The following TTLL4 variants were observed in gnomAD, a reference collection of about 807,000 sequenced individuals.
TTLL4 encodes the protein tubulin tyrosine ligase like 4.
In TTLL4, 85 loss-of-function variants were observed where a neutral mutation model predicts 122.7. The ratio of observed to expected loss-of-function variants is 0.69; its 90% CI spans 0.58 to 0.83. TTLL4 has a LOEUF of 0.83. Ranked by LOEUF, TTLL4 falls within the 40% of genes least tolerant of loss-of-function variation. TTLL4 has a pLI of 0.00. For missense variants in TTLL4, 1,363 were observed against 1,488.6 expected, an observed-to-expected ratio of 0.92 and a Z score of 1.39; for synonymous variants, 553 against 563.0, an observed-to-expected ratio of 0.98 and a Z score of 0.25.
intron 2 of TTLL4, among the ~76,000 whole-genome samples, chr2:218,736,100 A>G (rs1172439233): frequency 6.7e-6 from 1 of 148,854 alleles, no homozygotes. Flanking sequence ...TCAGCTTCCC[A>G]GGTAGCTGGG....
rs373045413 is a variant in TTLL4 at position 218,729,054 on chromosome 2, T to G, written c.-99+1707T>G. 5.3e-5 allele frequency among the ~76,000 whole-genome samples: 8 copies of G among 149,738 alleles called. No individual in the cohort carries two copies. The East Asian group carries it at 6.1e-4, about 11-fold the overall frequency. The stretch of plus-strand genomic sequence containing the variant: ...TTCAAGAGATGCTCCTGCCTCAGCC[T>G]CCCAAGTAGCTGGGATTATGGATGC... On this transcript the variant is annotated intron_variant, in intron 2 of 19. Coordinates refer to ENST00000392102, the MANE Select transcript of TTLL4 (RefSeq NM_014640.5).
At chr2:218,726,711 C>A (rs996869446) in intron 1 of TTLL4, among the ~76,000 whole-genome samples, 5 of 152,224 alleles carry the variant, frequency 3.3e-5, no homozygotes, top group Non-Finnish European at 7.3e-5. Flanking sequence ...AAGTGATCCA[C>A]CTGCCTCAGC....
chr2:218,743,257 T>C (rs530596502), intron 5 of TTLL4, among the ~76,000 whole-genome samples: 2 of 152,350 alleles, frequency 1.3e-5, no homozygotes, highest in African/African-American at 4.8e-5. Flanking sequence ...TTCTCCTTTT[T>C]GTCATTTCAA....
intron 2 of TTLL4, among the ~76,000 whole-genome samples, chr2:218,729,761 A>C (rs202246831): frequency 2.8e-5 from 4 of 141,598 alleles, no homozygotes; most frequent in African/African-American, 8.5e-5. Flanking sequence ...AAAAAAAAAA[A>C]ACAAAAAAAA....
At position 218,747,271 on chromosome 2, in the gene TTLL4, A is replaced by G. The variant is rs762017811; in HGVS notation, c.2167-19A>G. On this transcript the variant is annotated intron_variant, in intron 9 of 19. Transcript: ENST00000392102. The surrounding 1 kb of genome is among the most constrained non-coding windows in gnomAD (Gnocchi z 4.7). ...GAGTATTGGACCTGGAGCAAATCTC[A>G]TCTCCTTTCTGCTCCTAGCCAGCAT... is the stretch of plus-strand genomic sequence containing the variant. The G allele has an allele frequency of 1.5e-5, 24 of 1,607,674 alleles. No homozygotes were observed. Among genetic ancestry groups the G allele is most frequent in the Non-Finnish European group, 1.8e-5 (21 of 1,174,478 alleles).
intron 1 of TTLL4, among the ~76,000 whole-genome samples, chr2:218,712,671 G>A (rs1472591929): frequency 1.3e-5 from 2 of 152,120 alleles, no homozygotes; most frequent in African/African-American, 4.8e-5. Context: ...ACAGGTGTGA[G>A]CCACCGCGCC....
intron 2 of TTLL4, among the ~76,000 whole-genome samples, chr2:218,731,384 G>C (rs6753308): frequency 0.53 from 80,600 of 151,112 alleles, 23,035 homozygotes; most frequent in African/African-American, 0.73. Flanking sequence ...ACACTCCAGC[G>C]TGGGCAACAG....
Position 218,720,359 on chromosome 2 carries a change from C to T in TTLL4, c.-177-6910C>T, listed in dbSNP as rs537289340. Among the ~76,000 whole-genome samples the T allele has an allele frequency of 1.2e-4, 18 of 152,152 alleles. No individual in the cohort carries two copies. In the South Asian group the frequency reaches 3.1e-3, roughly 26 times the overall value. Reference sequence around the variant, plus strand: ...TTGGGTACAGCTGTGGCAGAGTGCACGCACTGAGTAAAAAATAGCAACAAG... The same window carrying T: ...TTGGGTACAGCTGTGGCAGAGTGCATGCACTGAGTAAAAAATAGCAACAAG... On this transcript the variant is annotated intron_variant, in intron 1 of 19. Transcript: ENST00000392102.
intron 2 of TTLL4, among the ~76,000 whole-genome samples, chr2:218,733,354 C>T (rs1264032074): frequency 2.0e-5 from 3 of 151,978 alleles, no homozygotes; most frequent in South Asian, 4.1e-4. Context: ...TCAGTTGTGG[C>T]GGAAGGGGAA....
At position 218,754,369 on chromosome 2, in the gene TTLL4, C is replaced by T. The variant is rs888085822; in HGVS notation, c.3580C>T (p.Leu1194Phe). The part of the protein sequence containing the change: ...SSTFQSISDS[L>F]LAVSP Reference sequence around the variant, plus strand: ...CACTTTCCAGTCAATCAGTGACTCCCTCCTGGCTGTGAGCCCATAACTGGC... The same window carrying T: ...CACTTTCCAGTCAATCAGTGACTCCTTCCTGGCTGTGAGCCCATAACTGGC... Residue 1194 changes from leucine to phenylalanine, a missense_variant, in exon 20 of 20, where the codon CTC becomes TTC. Physicochemically the swap from Leu to Phe is conservative, Grantham distance 22 (BLOSUM62 0). Transcript: ENST00000392102. The T allele has an allele frequency of 6.2e-7, 1 of 1,614,086 alleles. No individual in the cohort carries two copies. The highest frequency in any genetic ancestry group is 8.5e-7 in the Non-Finnish European group (1 of 1,180,040).
chr2:218,737,725 A>T lies in TTLL4; in HGVS notation c.49A>T (p.Asn17Tyr). The part of the protein sequence containing the change: ...QHYSIGLRQK[N>Y]SFKQSGPSGT... ...CTATAGTATTGGCCTCCGCCAGAAA[A>T]ACAGCTTCAAGCAGAGTGGTCCCTC... Residue 17 changes from asparagine to tyrosine, a missense_variant, in exon 3 of 20, where the codon AAC (asparagine) becomes TAC (tyrosine). This residue lies in a region of TTLL4 where 760 missense variants were observed against 808.4 expected (regional missense o/e 0.94). Coordinates refer to ENST00000392102, the MANE Select transcript of TTLL4 (RefSeq NM_014640.5). 1 of 1,613,720 alleles carries T rather than the reference A, an allele frequency of 6.2e-7. No individual in the cohort carries two copies.
chr2:218,739,068 C>G lies in TTLL4; in HGVS notation c.1392C>G (p.Asn464Lys), dbSNP rs367676777. 1 of 1,613,512 alleles carries G rather than the reference C, an allele frequency of 6.2e-7. No homozygotes were observed. Among genetic ancestry groups the G allele is most frequent in the African/African-American group, 1.3e-5 (1 of 74,924 alleles). ...PPFPQTLGIA[N>K]VATRLSSIQL... The stretch of plus-strand genomic sequence containing the variant: ...TTCCTCAAACTCTTGGCATAGCCAA[C>G]GTGGCCACCCGCCTCTCTTCCATCC... Residue 464 changes from asparagine to lysine, a missense_variant, in exon 3 of 20, where the codon AAC becomes AAG. Asn to Lys is a moderately conservative substitution (Grantham distance 94, BLOSUM62 0). This residue lies in a region of TTLL4 where 760 missense variants were observed against 808.4 expected (regional missense o/e 0.94). Transcript: ENST00000392102.
At chr2:218,737,544 A>G (rs1269069453) in intron 2 of TTLL4, 35 bp from the exon 3 acceptor site, 4 of 1,077,184 alleles carry the variant, frequency 3.7e-6, no homozygotes. Flanking sequence ...TTCTCCTGGC[A>G]CTGTAACATT....
intron 15 of TTLL4, among the ~76,000 whole-genome samples, chr2:218,751,197 C>CA (rs1943005004): frequency 6.6e-6 from 1 of 152,172 alleles, no homozygotes; most frequent in Non-Finnish European, 1.5e-5. Flanking sequence ...GGACATATCC[C>CA]ACAAGCTCCT....
At chr2:218,739,651 C>A (rs1942643423) in intron 3 of TTLL4, among the ~76,000 whole-genome samples, 2 of 152,238 alleles carry the variant, frequency 1.3e-5, no homozygotes, top group Non-Finnish European at 2.9e-5. Context: ...AGTTAGGGCA[C>A]ACACATAGTT....
In TTLL4 at chr2:218,727,745, C is replaced by CA. The variant is rs1319776345; in HGVS notation, c.-99+407dup. Among the ~76,000 whole-genome samples the CA allele has an allele frequency of 6.4e-4, 95 of 149,052 alleles. 2 individuals carry two copies. In the East Asian group the frequency reaches 8.3e-3, roughly 13 times the overall value. ...CGACAGACAAAGTGAGACTCTGTCTCAAAAAAAAACAAACAAAAAAACCCT... is the reference window on the plus strand; with the variant it reads ...CGACAGACAAAGTGAGACTCTGTCTCAAAAAAAAAACAAACAAAAAAACCCT... On this transcript the variant is annotated intron_variant, in intron 2 of 19. Coordinates refer to ENST00000392102, the MANE Select transcript of TTLL4 (RefSeq NM_014640.5).
intron 1 of TTLL4, among the ~76,000 whole-genome samples, chr2:218,721,085 T>C (rs2106397148): frequency 6.6e-6 from 1 of 152,354 alleles, no homozygotes; most frequent in South Asian, 2.1e-4. Flanking sequence ...CCTTGCCCTA[T>C]GCATCATGTA....
In TTLL4 at chr2:218,745,723, C is replaced by G; in HGVS notation, c.1819C>G (p.Leu607Val). The change falls in exon 7 of 20, where the codon CTC becomes GTC. Residue 607 changes from leucine (L) to valine (V), a missense_variant. Coordinates refer to ENST00000392102, the MANE Select transcript of TTLL4 (RefSeq NM_014640.5). ...EKLPWEQRKL[L>V]RWKMSTVTPN... ...ACTTCCCTGGGAACAGAGGAAGTTG[C>G]TCCGATGGAAGATGAGCACAGTGAC... 1.2e-6 allele frequency: 2 copies of G among 1,613,170 alleles called. No individual in the cohort carries two copies. Among genetic ancestry groups the G allele is most frequent in the East Asian group, 2.2e-5 (1 of 44,824 alleles).
rs149630115 is a variant in TTLL4, at chr2:218,738,579, C to G, written c.903C>G (p.Ala301=). The G allele has an allele frequency of 1.2e-6, 2 of 1,614,112 alleles. No homozygotes were observed. The highest frequency in any genetic ancestry group is 2.7e-5 in the African/African-American group (2 of 74,932). ...SSHDTSTTSV[A]SSWYNRNNLA... ...ACGACACATCCACCACCAGTGTTGCCTCTTCCTGGTATAACCGGAATAACT... is the reference window on the plus strand; with the variant it reads ...ACGACACATCCACCACCAGTGTTGCGTCTTCCTGGTATAACCGGAATAACT... Residue 301 remains alanine, a synonymous_variant, in exon 3 of 20, where the codon GCC becomes GCG. Coordinates refer to ENST00000392102, the MANE Select transcript of TTLL4 (RefSeq NM_014640.5).
Sources: gnomAD v4.1 joint callset for allele counts (sites outside exome capture counted in the v4.1 genomes callset) on GRCh38, gnomAD v4.1.1 for gene constraint, gnomAD v4.1.1 regional missense constraint, Gnocchi (gnomAD v3.1) non-coding constraint, MANE v1.5 for transcripts, NCBI Gene and HGNC (gene_info 2026-07-23, HGNC 2026-07-21) for gene names.